Variants in SYT15B observed in about 807,000 individuals in gnomAD.
The protein encoded by SYT15B is synaptotagmin 15B.
At chr10:47,753,127 A>AT in the SYT15B span, 1 of 980,810 alleles carries the variant, frequency 1.0e-6, no homozygotes, top group African/African-American at 1.8e-5. Flanking sequence ...AAAATAAAAA[A>AT]AAAAAAGAAA....
chr10:47,748,118 T>C, the SYT15B span, among the ~76,000 whole-genome samples: 1 of 151,918 alleles, frequency 6.6e-6, no homozygotes, highest in Non-Finnish European at 1.5e-5. Flanking sequence ...TAAATAAATA[T>C]AGGCTGAGAA....
chr10:47,761,105 CA>C, the SYT15B span, among the ~76,000 whole-genome samples: 1 of 85,608 alleles, frequency 1.2e-5, no homozygotes, highest in Non-Finnish European at 2.6e-5. Context: ...CACACACGCA[CA>C]CACACACACA....
At chr10:47,746,859 G>A in the SYT15B span, among the ~76,000 whole-genome samples, 3 of 101,820 alleles carry the variant, frequency 2.9e-5, no homozygotes, top group Non-Finnish European at 6.0e-5. Flanking sequence ...GGCTTCACCA[G>A]CTTTCCCAAG....
chr10:47,755,368 G>A, the SYT15B span, among the ~76,000 whole-genome samples: 2 of 152,134 alleles, frequency 1.3e-5, no homozygotes, highest in Non-Finnish European at 2.9e-5. Flanking sequence ...CCATTCTCCT[G>A]CCTCAGCCTC....
the SYT15B span, among the ~76,000 whole-genome samples, chr10:47,755,213 C>CCAAAGTGCTAGGATTATAG: frequency 6.6e-6 from 1 of 151,600 alleles, no homozygotes; most frequent in Non-Finnish European, 1.5e-5. Context: ...TCTCGGTCTC[C>CCAAAGTGCTAGGATTATAG]CAAAGTGCTA....
the SYT15B span, among the ~76,000 whole-genome samples, chr10:47,761,277 A>G: frequency 6.9e-6 from 1 of 144,206 alleles, no homozygotes. Context: ...CATGGGTTTC[A>G]TAACACCTGC....
At chr10:47,747,107 G>A in the SYT15B span, among the ~76,000 whole-genome samples, 1 of 146,082 alleles carries the variant, frequency 6.8e-6, no homozygotes, top group East Asian at 2.1e-4. Context: ...GAGGCAAGCT[G>A]GCCCTCTGTG....
At chr10:47,744,942 C>T in the SYT15B span, among the ~76,000 whole-genome samples, 1 of 151,882 alleles carries the variant, frequency 6.6e-6, no homozygotes, top group East Asian at 1.9e-4. Flanking sequence ...ATGTCCAATC[C>T]CATGTAGGAG....
At chr10:47,756,981 C>T in the SYT15B span, among the ~76,000 whole-genome samples, 1 of 127,306 alleles carries the variant, frequency 7.9e-6, no homozygotes, top group African/African-American at 3.0e-5. Flanking sequence ...TGGGTTAGAA[C>T]CCTCCGTAGG....
chr10:47,744,989 T>C, the SYT15B span, among the ~76,000 whole-genome samples: 1 of 151,984 alleles, frequency 6.6e-6, no homozygotes, highest in South Asian at 2.1e-4. Flanking sequence ...TTAAGCTTCC[T>C]CTTGATTCCT....
chr10:47,747,279 G>T, the SYT15B span, among the ~76,000 whole-genome samples: 1 of 152,082 alleles, frequency 6.6e-6, no homozygotes, highest in African/African-American at 2.4e-5. Context: ...AAGGGGCCAA[G>T]ATATCATGTA....
the SYT15B span, chr10:47,760,861 C>T: frequency 7.1e-7 from 1 of 1,405,914 alleles, no homozygotes; most frequent in Non-Finnish European, 9.5e-7. Flanking sequence ...GGCCCACTCT[C>T]CACTGTGCAG....
chr10:47,746,587 A>T, the SYT15B span, among the ~76,000 whole-genome samples: 2 of 96,302 alleles, frequency 2.1e-5, no homozygotes, highest in South Asian at 4.8e-4. Flanking sequence ...CTGAGGCAGG[A>T]GAATCACTTG....
At chr10:47,750,782 C>G in the SYT15B span, 1 of 151,130 alleles carries the variant, frequency 6.6e-6, no homozygotes, top group Non-Finnish European at 1.5e-5. Context: ...CATGCTCCCT[C>G]TAATAAATCT....
At chr10:47,753,085 G>A in the SYT15B span, 1 of 942,564 alleles carries the variant, frequency 1.1e-6, no homozygotes, top group Non-Finnish European at 1.3e-6. Context: ...TCCAGCCTGG[G>A]TGACAAGAGG....
the SYT15B span, among the ~76,000 whole-genome samples, chr10:47,755,143 G>A: frequency 2.6e-5 from 4 of 151,404 alleles, no homozygotes; most frequent in East Asian, 3.9e-4. Flanking sequence ...TTTTAGTACA[G>A]ACAGAATTTT....
the SYT15B span, chr10:47,750,733 C>T: frequency 2.1e-5 from 3 of 142,882 alleles, no homozygotes; most frequent in African/African-American, 2.6e-5. Flanking sequence ...CCACTGAGCT[C>T]GACTTAAATC....
the SYT15B span, chr10:47,762,967 C>A: frequency 6.2e-6 from 8 of 1,297,252 alleles, no homozygotes; most frequent in Admixed American, 3.6e-5. Context: ...GGGCTCCCTG[C>A]GGCTTGGGGC....
chr10:47,752,935 C>T, the SYT15B span: 4 of 76,678 alleles, frequency 5.2e-5, no homozygotes, highest in Admixed American at 1.5e-4. Flanking sequence ...GGTAAAATTC[C>T]GTCTCTACTA....
Sources: allele counts gnomAD v4.1 joint callset (sites outside exome capture counted in the v4.1 genomes callset), GRCh38; gene constraint gnomAD v4.1.1; transcripts MANE v1.5; gene names NCBI Gene and HGNC (gene_info 2026-07-23, HGNC 2026-07-21).